Variants in DENND2C observed in about 807,000 individuals in gnomAD.
The protein encoded by DENND2C is DENN domain containing 2C.
Under a neutral mutation model 112.4 loss-of-function variants are expected in DENND2C, and 72 were observed. The ratio of observed to expected loss-of-function variants is 0.64; its 90% CI spans 0.53 to 0.78. The LOEUF (loss-of-function observed/expected upper bound fraction) is 0.78. DENND2C is among the 30% of genes least tolerant of loss of function. The pLI is 0.00. For synonymous variants in DENND2C, 329 were observed against 381.6 expected (o/e 0.86, Z 1.61); for missense variants, 992 against 1,113.8 (o/e 0.89, Z 1.56).
At chr1:114,590,886 C>T (rs573864463) in intron 18 of DENND2C, among the ~76,000 whole-genome samples, 1 of 151,808 alleles carries the variant, frequency 6.6e-6, no homozygotes, top group South Asian at 2.1e-4. Flanking sequence ...AGGATATGTA[C>T]ACCTTTAATT....
intron 9 of DENND2C, 51 bp downstream of exon 9, chr1:114,611,016 ACTCCAC>A: frequency 6.3e-7 from 1 of 1,590,008 alleles, no homozygotes; most frequent in South Asian, 1.1e-5. Context: ...GGTAGGTGCC[ACTCCAC>A]CTAACCCATG....
intron 7 of DENND2C, among the ~76,000 whole-genome samples, chr1:114,621,061 C>T (rs1656149422): frequency 6.6e-6 from 1 of 152,162 alleles, no homozygotes; most frequent in African/African-American, 2.4e-5. Flanking sequence ...CCCTGCATTA[C>T]AGAAGAACAA....
At chr1:114,604,560 G>A (rs1194126342) in intron 11 of DENND2C, among the ~76,000 whole-genome samples, 2 of 152,032 alleles carry the variant, frequency 1.3e-5, no homozygotes, top group Non-Finnish European at 2.9e-5. Flanking sequence ...TGAAGACACT[G>A]CTCTGTTTTA....
intron 8 of DENND2C, among the ~76,000 whole-genome samples, chr1:114,614,991 G>T (rs1448798382): frequency 1.3e-5 from 2 of 151,572 alleles, no homozygotes; most frequent in Non-Finnish European, 2.9e-5. Flanking sequence ...CCCAGCCTGG[G>T]CAACAGAGCA....
chr1:114,601,621 G>A (rs1232138828), intron 12 of DENND2C, 36 bp from the exon 13 acceptor site: 1 of 1,561,980 alleles, frequency 6.4e-7, no homozygotes, highest in East Asian at 2.3e-5. Flanking sequence ...AAAAAATCAA[G>A]CCGCATACAT....
chr1:114,659,483 C>T (rs1657427733), intron 1 of DENND2C, among the ~76,000 whole-genome samples: 2 of 152,268 alleles, frequency 1.3e-5, no homozygotes, highest in South Asian at 4.1e-4. Context: ...GCCTGAGCTA[C>T]AGAGCTAGAC....
rs765901746 is a variant in DENND2C, at chr1:114,622,007, G to A, written c.1115C>T (p.Ala372Val). 2.8e-5 allele frequency: 43 copies of A among 1,550,598 alleles called. 1 individual carries two copies. In the South Asian group the frequency reaches 3.9e-4, roughly 14 times the overall value. The change falls in exon 7 of 21, where the codon GCT becomes GTT. Residue 372 changes from alanine to valine, a missense_variant. Transcript: ENST00000393274. ...TTTTGTAAGCTTTGACCGCAAATAA[G>A]CCTGTGAGTTCTTTACTTCCATAGT... ...RKTMEVKNSQ[A>V]YLRSKLTKDT...
At chr1:114,591,472 G>C (rs1329550048) in intron 18 of DENND2C, among the ~76,000 whole-genome samples, 1 of 151,772 alleles carries the variant, frequency 6.6e-6, no homozygotes, top group Non-Finnish European at 1.5e-5. Context: ...TTTTCTTACT[G>C]ATTTGCAGGT....
intron 17 of DENND2C, chr1:114,595,432 G>A (rs1326753557): frequency 3.2e-5 from 5 of 154,372 alleles, no homozygotes; most frequent in African/African-American, 7.4e-5. Context: ...GCAGTGAGCC[G>A]AGATTGCGCC....
intron 3 of DENND2C, among the ~76,000 whole-genome samples, chr1:114,633,480 G>A (rs7512773): frequency 0.026 from 3,742 of 141,780 alleles, 82 homozygotes; most frequent in Non-Finnish European, 0.035. Flanking sequence ...AAGGAAGGAA[G>A]GAAGGAATGA....
chr1:114,663,181 G>T (rs1199418666), intron 1 of DENND2C, among the ~76,000 whole-genome samples: 2 of 152,136 alleles, frequency 1.3e-5, no homozygotes, highest in Non-Finnish European at 2.9e-5. Context: ...ATTCAGGGCA[G>T]AAGAAAAAGA....
intron 3 of DENND2C, among the ~76,000 whole-genome samples, chr1:114,639,697 TCATC>T (rs1229577142): frequency 3.4e-4 from 52 of 151,964 alleles, no homozygotes; most frequent in Admixed American, 3.4e-3. Flanking sequence ...TTCCATCTCT[TCATC>T]CATTATATTA....
At chr1:114,636,648 C>CA (rs1231966483) in intron 3 of DENND2C, among the ~76,000 whole-genome samples, 1 of 151,812 alleles carries the variant, frequency 6.6e-6, no homozygotes, top group Non-Finnish European at 1.5e-5. Flanking sequence ...GCCTGGGTGA[C>CA]AGAGTGAAAC....
At chr1:114,650,569 G>T (rs1248007285) in intron 2 of DENND2C, among the ~76,000 whole-genome samples, 7 of 150,326 alleles carry the variant, frequency 4.7e-5, no homozygotes, top group Non-Finnish European at 7.4e-5. Flanking sequence ...AGCTACTCAG[G>T]AGGCTGAGGC....
chr1:114,602,614 G>C (rs755830150), intron 11 of DENND2C, among the ~76,000 whole-genome samples: 1 of 152,086 alleles, frequency 6.6e-6, no homozygotes, highest in Non-Finnish European at 1.5e-5. Flanking sequence ...CCAGGCTGGA[G>C]TGCAGTGGTG....
intron 3 of DENND2C, among the ~76,000 whole-genome samples, chr1:114,637,296 G>A (rs1453411959): frequency 6.7e-6 from 1 of 150,056 alleles, no homozygotes; most frequent in Non-Finnish European, 1.5e-5. Flanking sequence ...TTGAACCCAG[G>A]AGGTGGAGGC....
At chr1:114,600,403 T>C in intron 14 of DENND2C, 51 bp from the exon 15 acceptor site, 2 of 1,606,558 alleles carry the variant, frequency 1.2e-6, no homozygotes, top group East Asian at 2.2e-5. Context: ...AAACAATCCC[T>C]AGTGCCAACG....
Position 114,622,073 on chromosome 1 carries a change from A to G in DENND2C, c.1057-8T>C. The G allele has an allele frequency of 6.6e-7, 1 of 1,526,380 alleles. No individual in the cohort carries two copies. Among genetic ancestry groups the G allele is most frequent in the Non-Finnish European group, 8.8e-7 (1 of 1,137,706 alleles). The allele number at this position is 1,526,380 out of a possible 1,614,324, so 94.6% of individuals were successfully genotyped here. On this transcript the variant is annotated splice_polypyrimidine_tract_variant and splice_region_variant and intron_variant, in intron 6 of 20. Transcript: ENST00000393274. ...CTGAGGTTTTGGAGGGAGCTAAAAC[A>G]GGAGAAGATGTACTGGTAAGATCAC...
intron 5 of DENND2C, 38 bp downstream of exon 5, chr1:114,623,469 T>C: frequency 6.3e-7 from 1 of 1,581,298 alleles, no homozygotes; most frequent in South Asian, 1.1e-5. Context: ...ACCAAATATA[T>C]AATCACTAAA....
Sources: gnomAD v4.1 joint callset for allele counts (sites outside exome capture counted in the v4.1 genomes callset) on GRCh38, gnomAD v4.1.1 for gene constraint, MANE v1.5 for transcripts, NCBI Gene and HGNC (gene_info 2026-07-23, HGNC 2026-07-21) for gene names.